Variants in RFX2 observed in about 807,000 individuals in gnomAD.
The protein encoded by RFX2 is DNA-binding protein RFX2.
Under a neutral mutation model 87.8 loss-of-function variants are expected in RFX2, and 20 were observed. That is an observed-to-expected ratio of 0.23 (90% confidence interval 0.16 to 0.33). The LOEUF (loss-of-function observed/expected upper bound fraction) is 0.33, where lower values mean the gene tolerates loss of function less well. Ranked by LOEUF, RFX2 falls within the 10% of genes least tolerant of loss-of-function variation. The pLI is 1.00. For missense variants in RFX2, 767 were observed against 1,012.3 expected (o/e 0.76, Z 3.29); for synonymous variants, 397 against 431.3 (o/e 0.92, Z 0.98).
Position 5,997,229 on chromosome 19 carries a change from CA to C in RFX2, c.1860-17del. On this transcript the variant is annotated splice_polypyrimidine_tract_variant and intron_variant, in intron 15 of 17. Coordinates refer to ENST00000303657, the MANE Select transcript of RFX2 (RefSeq NM_000635.4). This position sits in a 1 kb window ranked among gnomAD's most constrained non-coding sequence, Gnocchi z 4.2. ...CACCATGGAGCTGGGGACAAGCGGA[CA>C]GAGGCTGGGGACCCTCAGGGGAGCA... 1 of 1,605,150 alleles carries C rather than the reference CA, an allele frequency of 6.2e-7. No homozygotes were observed. Among genetic ancestry groups the C allele is most frequent in the Non-Finnish European group, 8.5e-7 (1 of 1,178,344 alleles).
Position 6,007,867 on chromosome 19 carries a change from T to C in RFX2, c.1135-65A>G. 8.7e-7 allele frequency: 1 copy of C among 1,146,558 alleles called. No individual in the cohort carries two copies. Among genetic ancestry groups the C allele is most frequent in the Admixed American group, 2.0e-5 (1 of 50,162 alleles). The allele number at this position is 1,146,558 out of a possible 1,614,324, so 71.0% of individuals were successfully genotyped here. ...GCCCATCACGTGCACTCAGCACACG[T>C]CAAGTGAGCAGCCGTGATCCGGGCT... On this transcript the variant is annotated intron_variant, in intron 10 of 17. Transcript: ENST00000303657. The surrounding 1 kb of genome is among the most constrained non-coding windows in gnomAD (Gnocchi z 8.2).
At chr19:6,054,438 TGTTTAG>T (rs2087304680) in intron 1 of RFX2, among the ~76,000 whole-genome samples, 2 of 152,166 alleles carry the variant, frequency 1.3e-5, no homozygotes, top group African/African-American at 2.4e-5. Flanking sequence ...ACAAGGAAAG[TGTTTAG>T]ACTAATATCT....
At position 6,023,224 on chromosome 19, in the gene RFX2, A is replaced by G. The variant is rs901858378; in HGVS notation, c.597+2939T>C. On this transcript the variant is annotated intron_variant, in intron 6 of 17. Coordinates refer to ENST00000303657, the MANE Select transcript of RFX2 (RefSeq NM_000635.4). The surrounding 1 kb of genome is among the most constrained non-coding windows in gnomAD (Gnocchi z 4.9). ...TCTGAGAAGGGAGGTCTGGGAGGCC[A>G]CTGGGAAAATGGGTCTCCAGGGCCC... 3 of 152,382 alleles carry G rather than the reference A, an allele frequency of 2.0e-5. No individual in the cohort carries two copies. The highest frequency in any genetic ancestry group is 6.5e-5 in the Admixed American group (1 of 15,282). The allele number at this position is 152,382 out of a possible 1,614,324, so 9.4% of individuals were successfully genotyped here.
At chr19:6,055,904 A>C (rs993972580) in intron 1 of RFX2, among the ~76,000 whole-genome samples, 1 of 152,252 alleles carries the variant, frequency 6.6e-6, no homozygotes, top group Admixed American at 6.5e-5. Context: ...ACTGAAATTC[A>C]CAATGCATGG....
intron 1 of RFX2, among the ~76,000 whole-genome samples, chr19:6,098,111 C>T (rs559753134): frequency 6.6e-6 from 1 of 152,152 alleles, no homozygotes; most frequent in East Asian, 1.9e-4. Flanking sequence ...GTGAATGACT[C>T]GATAAATGAC....
chr19:6,068,597 C>T (rs78769803), intron 1 of RFX2, among the ~76,000 whole-genome samples: 1,735 of 152,204 alleles, frequency 0.011, 21 homozygotes, highest in Non-Finnish European at 0.018. Context: ...AGGTGTGGGA[C>T]GGAGCTGTCC....
intron 1 of RFX2, among the ~76,000 whole-genome samples, chr19:6,082,693 A>C (rs1001263115): frequency 7.2e-5 from 11 of 152,136 alleles, no homozygotes; most frequent in African/African-American, 2.7e-4. Flanking sequence ...TTGGCCTCCC[A>C]AAGTGTTGGG....
chr19:6,046,060 G>T (rs1269702092), intron 2 of RFX2, among the ~76,000 whole-genome samples: 1 of 152,060 alleles, frequency 6.6e-6, no homozygotes, highest in African/African-American at 2.4e-5. Flanking sequence ...AGATCGAGGT[G>T]GTCACACGGC....
intron 1 of RFX2, chr19:6,057,296 T>C (rs993627234): frequency 6.6e-6 from 1 of 152,270 alleles, no homozygotes; most frequent in Non-Finnish European, 1.5e-5. Flanking sequence ...TGAATGAATC[T>C]GCCTGGGCAC....
In RFX2 at chr19:6,063,864, G is replaced by A. The variant is rs1351805512; in HGVS notation, c.-8-16360C>T. Among the ~76,000 whole-genome samples the A allele has an allele frequency of 2.6e-5, 4 of 152,108 alleles. No homozygotes were observed. Among genetic ancestry groups the A allele is most frequent in the Admixed American group, 6.5e-5 (1 of 15,278 alleles). On this transcript the variant is annotated intron_variant, in intron 1 of 17. Transcript: ENST00000303657. The surrounding 1 kb of genome is among the most constrained non-coding windows in gnomAD (Gnocchi z 4.0). ...ACAGCCACAAATGTCTCCAGACATC[G>A]CCCAGTGTCCCCTGGGGGCAGGACC... is the stretch of plus-strand genomic sequence containing the variant.
At chr19:6,098,414 G>A (rs2088061076) in intron 1 of RFX2, among the ~76,000 whole-genome samples, 2 of 151,998 alleles carry the variant, frequency 1.3e-5, no homozygotes, top group South Asian at 4.2e-4. Flanking sequence ...TAAAGAGGCC[G>A]CAAGATAGAG....
rs973751239 is a variant in RFX2 at position 6,040,327 on chromosome 19, G to T, written c.261-86C>A. The T allele has an allele frequency of 1.4e-6, 2 of 1,396,870 alleles. No homozygotes were observed. Among genetic ancestry groups the T allele is most frequent in the Non-Finnish European group, 9.6e-7 (1 of 1,044,962 alleles). The allele number at this position is 1,396,870 out of a possible 1,614,324, so 86.5% of individuals were successfully genotyped here. On this transcript the variant is annotated intron_variant, in intron 4 of 17. Transcript: ENST00000303657. This position sits in a 1 kb window ranked among gnomAD's most constrained non-coding sequence, Gnocchi z 6.1. ...TCACAGATATCCAGCCAAACATCAC[G>T]TAAAAGCTGCAACCCAGAGAGGCCA...
chr19:6,089,365 C>T (rs1242885095), intron 1 of RFX2, among the ~76,000 whole-genome samples: 1 of 152,120 alleles, frequency 6.6e-6, no homozygotes, highest in South Asian at 2.1e-4. Flanking sequence ...GGAGTGTGCA[C>T]GGGCAGGAGC....
Position 6,026,926 on chromosome 19 carries a change from G to A in RFX2, c.523-689C>T, listed in dbSNP as rs578034172. Among the ~76,000 whole-genome samples the A allele has an allele frequency of 6.6e-6, 1 of 152,344 alleles. No individual in the cohort carries two copies. The highest frequency in any genetic ancestry group is 2.4e-5 in the African/African-American group (1 of 41,574). On this transcript the variant is annotated intron_variant, in intron 5 of 17. Transcript: ENST00000303657. This position sits in a 1 kb window ranked among gnomAD's most constrained non-coding sequence, Gnocchi z 4.5. Reference sequence around the variant, plus strand: ...ACTTCCTGGAGGAAGGGGCTTTTGAGTTGGATCCTGAAGGACCTGATGGAG... The same window carrying A: ...ACTTCCTGGAGGAAGGGGCTTTTGAATTGGATCCTGAAGGACCTGATGGAG...
intron 1 of RFX2, among the ~76,000 whole-genome samples, chr19:6,058,407 A>T (rs370756008): frequency 1.3e-5 from 2 of 152,330 alleles, no homozygotes; most frequent in African/African-American, 4.8e-5. Context: ...GAGAACAGGA[A>T]GATGAAAAAG....
At chr19:6,009,578 T>A (rs1186744866) in intron 9 of RFX2, among the ~76,000 whole-genome samples, 1 of 146,126 alleles carries the variant, frequency 6.8e-6, no homozygotes, top group Non-Finnish European at 1.5e-5. Context: ...GCGTTCTTTC[T>A]TTTTTTTTTT....
chr19:6,038,155 T>C (rs2087048846), intron 5 of RFX2, among the ~76,000 whole-genome samples: 1 of 151,602 alleles, frequency 6.6e-6, no homozygotes, highest in South Asian at 2.1e-4. Flanking sequence ...GGTAAAACCC[T>C]GTCTGTACTG....
chr19:6,096,015 A>T (rs1442854951), intron 1 of RFX2, among the ~76,000 whole-genome samples: 1 of 152,226 alleles, frequency 6.6e-6, no homozygotes, highest in Non-Finnish European at 1.5e-5. Flanking sequence ...AGTAGTTGAG[A>T]TAGTGACCAT....
intron 5 of RFX2, among the ~76,000 whole-genome samples, chr19:6,035,035 A>G (rs1012314138): frequency 6.6e-6 from 1 of 152,256 alleles, no homozygotes; most frequent in African/African-American, 2.4e-5. Flanking sequence ...ATTAAAATCC[A>G]TTAGACTTTT....
Sources: allele counts gnomAD v4.1 joint callset (sites outside exome capture counted in the v4.1 genomes callset), GRCh38; gene constraint gnomAD v4.1.1; non-coding constraint Gnocchi (gnomAD v3.1); transcripts MANE v1.5; gene names NCBI Gene and HGNC (gene_info 2026-07-23, HGNC 2026-07-21).